Variants in PDE1C observed in about 807,000 individuals in gnomAD.
PDE1C encodes phosphodiesterase 1C, also known as dual specificity calcium/calmodulin-dependent 3',5'-cyclic nucleotide phosphodiesterase 1C.
PDE1C carries 62 observed loss-of-function variants against 93.1 expected under a neutral mutation model. The ratio of observed to expected loss-of-function variants is 0.67; its 90% CI spans 0.54 to 0.82. The LOEUF (loss-of-function observed/expected upper bound fraction) is 0.82. PDE1C is among the 40% of genes least tolerant of loss of function. The pLI is 0.00. For synonymous variants in PDE1C, 325 were observed against 310.1 expected, an observed-to-expected ratio of 1.05 and a Z score of -0.50; for missense variants, 742 against 884.6, an observed-to-expected ratio of 0.84 and a Z score of 2.04.
chr7:31,652,030 A>T, the PDE1C span: 1 of 1,601,238 alleles, frequency 6.2e-7, no homozygotes, highest in Non-Finnish European at 8.5e-7. Flanking sequence ...GGCTCAGCAA[A>T]TCAGAGAAGG....
chr7:32,000,139 T>C (rs1468310949), intron 2 of PDE1C, among the ~76,000 whole-genome samples: 1 of 152,144 alleles, frequency 6.6e-6, no homozygotes, highest in African/African-American at 2.4e-5. Flanking sequence ...CGTCCGGCAG[T>C]ATAACTAGAC....
intron 3 of PDE1C, among the ~76,000 whole-genome samples, chr7:32,096,710 T>G (rs1379424054): frequency 1.3e-5 from 2 of 152,214 alleles, no homozygotes. Flanking sequence ...ACCTATGTTT[T>G]ATTTATATAG....
chr7:31,900,503 A>G (rs1799836607), intron 2 of PDE1C, among the ~76,000 whole-genome samples: 1 of 150,830 alleles, frequency 6.6e-6, no homozygotes, highest in Admixed American at 6.6e-5. Flanking sequence ...TTTATCTTTT[A>G]TATTAACAGT....
intron 2 of PDE1C, among the ~76,000 whole-genome samples, chr7:31,999,137 G>A (rs529130307): frequency 1.6e-4 from 24 of 152,166 alleles, no homozygotes; most frequent in African/African-American, 4.3e-4. Context: ...ACTGTGTACC[G>A]GGCACTGTGC....
chr7:32,259,528 T>C (rs1341622166), intron 1 of PDE1C, among the ~76,000 whole-genome samples: 1 of 152,126 alleles, frequency 6.6e-6, no homozygotes, highest in East Asian at 1.9e-4. Context: ...TTAGAGCCTC[T>C]GTGGCTTCAT....
At chr7:31,623,780 G>T in the PDE1C span, among the ~76,000 whole-genome samples, 1 of 151,600 alleles carries the variant, frequency 6.6e-6, no homozygotes, top group Non-Finnish European at 1.5e-5. Flanking sequence ...GGGCAATTAG[G>T]CAGGAGAAGG....
chr7:31,624,308 C>A, the PDE1C span, among the ~76,000 whole-genome samples: 402 of 142,520 alleles, frequency 2.8e-3, 1 homozygote, highest in Non-Finnish European at 4.3e-3. Flanking sequence ...GAGCCCGCAT[C>A]ACCAAGGCAA....
intron 2 of PDE1C, among the ~76,000 whole-genome samples, chr7:31,913,410 A>C (rs1247462092): frequency 6.6e-6 from 1 of 151,760 alleles, no homozygotes; most frequent in Non-Finnish European, 1.5e-5. Flanking sequence ...ATCAAGGTGA[A>C]AAAAAAAACA....
At chr7:31,695,962 C>A in the PDE1C span, 1 of 168,950 alleles carries the variant, frequency 5.9e-6, no homozygotes, top group Non-Finnish European at 1.3e-5. Flanking sequence ...CAAGCTTCCA[C>A]AGTCACGATG....
At chr7:32,396,686 T>TA (rs1784845874) in intron 1 of PDE1C, among the ~76,000 whole-genome samples, 1 of 152,204 alleles carries the variant, frequency 6.6e-6, no homozygotes, top group Non-Finnish European at 1.5e-5. Context: ...GGTTTCACTG[T>TA]AAAATTCTTT....
intron 2 of PDE1C, among the ~76,000 whole-genome samples, chr7:32,180,297 G>C (rs1301325650): frequency 6.6e-6 from 1 of 152,124 alleles, no homozygotes; most frequent in Non-Finnish European, 1.5e-5. Flanking sequence ...GTGGGGAAAA[G>C]GACTCCCTCA....
At chr7:31,863,810 A>C (rs1794954019) in intron 7 of PDE1C, among the ~76,000 whole-genome samples, 1 of 152,158 alleles carries the variant, frequency 6.6e-6, no homozygotes, top group African/African-American at 2.4e-5. Context: ...AAAATGAGGA[A>C]GTTTTCGCTC....
chr7:32,375,536 C>T (rs1784418887), intron 1 of PDE1C, among the ~76,000 whole-genome samples: 1 of 152,222 alleles, frequency 6.6e-6, no homozygotes, highest in Non-Finnish European at 1.5e-5. Flanking sequence ...AACAACAATA[C>T]CTTCTGGGTA....
chr7:32,282,485 A>AATAGATAGATAGATAGATAG (rs1554300214), intron 1 of PDE1C, among the ~76,000 whole-genome samples: 13,013 of 143,790 alleles, frequency 0.09, 706 homozygotes, highest in African/African-American at 0.14. Context: ...TCAAAAAAAA[A>AATAGATAGATAGATAGATAG]ATAGATAGAT....
chr7:31,928,893 C>T (rs1387838918), intron 2 of PDE1C, among the ~76,000 whole-genome samples: 2 of 152,162 alleles, frequency 1.3e-5, no homozygotes, highest in African/African-American at 4.8e-5. Flanking sequence ...GCAAAATGAT[C>T]AGCTAGCATC....
the PDE1C span, among the ~76,000 whole-genome samples, chr7:31,653,851 C>CAG: frequency 1.3e-5 from 2 of 152,096 alleles, no homozygotes; most frequent in African/African-American, 4.8e-5. Context: ...GATCAATGTT[C>CAG]AGACAGCCCT....
chr7:31,679,399 T>G, the PDE1C span, among the ~76,000 whole-genome samples: 1 of 152,322 alleles, frequency 6.6e-6, no homozygotes, highest in South Asian at 2.1e-4. Context: ...AAAATTTGCT[T>G]TCGCATATTC....
At chr7:32,360,862 A>C (rs982652871) in intron 1 of PDE1C, among the ~76,000 whole-genome samples, 1 of 152,186 alleles carries the variant, frequency 6.6e-6, no homozygotes, top group African/African-American at 2.4e-5. Flanking sequence ...AGGCAATAGA[A>C]ACCCATGAGG....
intron 16 of PDE1C, chr7:31,785,299 T>G: frequency 6.6e-6 from 1 of 152,202 alleles, no homozygotes; most frequent in South Asian, 2.1e-4. Flanking sequence ...CTGAGCGAAC[T>G]TAAAGGGCCC....
Sources: gnomAD v4.1 joint callset for allele counts (sites outside exome capture counted in the v4.1 genomes callset) on GRCh38, gnomAD v4.1.1 for gene constraint, MANE v1.5 for transcripts, NCBI Gene and HGNC (gene_info 2026-07-23, HGNC 2026-07-21) for gene names.